Variants in MTFR1 observed in about 807,000 individuals in gnomAD.
MTFR1 encodes the protein chondrocyte protein with a poly-proline region.
A neutral mutation model predicts 38.8 loss-of-function variants in MTFR1; 28 were observed. That is an observed-to-expected ratio of 0.72 (90% CI 0.53 to 0.99). The LOEUF is 0.99. Among genes scored for constraint, MTFR1 ranks in the 50% least tolerant of loss-of-function variants. MTFR1 has a pLI of 0.00. For synonymous variants in MTFR1, 145 were observed against 137.0 expected, an observed-to-expected ratio of 1.06 and a Z score of -0.41; for missense variants, 358 against 395.5, an observed-to-expected ratio of 0.91 and a Z score of 0.81.
chr8:65,729,426 G>C (rs1208154794), intron 3 of MTFR1, among the ~76,000 whole-genome samples: 2 of 132,992 alleles, frequency 1.5e-5, no homozygotes, highest in African/African-American at 5.7e-5. Context: ...AGAAATAGCA[G>C]AAAGAAGGTA....
intron 3 of MTFR1, among the ~76,000 whole-genome samples, chr8:65,758,378 A>C (rs10216810): frequency 0.12 from 18,206 of 152,170 alleles, 1,947 homozygotes; most frequent in East Asian, 0.5. Context: ...GGTAAGGGGG[A>C]AAAAATGTTT....
intron 3 of MTFR1, among the ~76,000 whole-genome samples, chr8:65,741,647 T>C (rs886957790): frequency 2.0e-5 from 3 of 152,226 alleles, no homozygotes; most frequent in Admixed American, 2.0e-4. Context: ...ATATGCTCTA[T>C]TGGTACAAAC....
At position 65,704,850 on chromosome 8, in the gene MTFR1, T is replaced by C. The variant is rs749451702; in HGVS notation, c.438T>C (p.Ala146=). Residue 146 remains alanine (A), a synonymous_variant, in exon 5 of 8, where the codon GCT becomes GCC. Transcript: ENST00000262146. ...ANEEALQKIC[A]LENELAALRA... ...AGGAAGCACTGCAGAAGATTTGCGC[T>C]CTCGAAAATGAACTTGCTGCTCTCA... 16 of 1,613,942 alleles carry C rather than the reference T, an allele frequency of 9.9e-6. No homozygotes were observed. Among genetic ancestry groups the C allele is most frequent in the African/African-American group, 1.3e-5 (1 of 75,034 alleles).
At chr8:65,706,157 C>T (rs548742551) in intron 5 of MTFR1, among the ~76,000 whole-genome samples, 5 of 152,268 alleles carry the variant, frequency 3.3e-5, no homozygotes, top group African/African-American at 4.8e-5. Context: ...TGTGCTTATG[C>T]CTGTAACTTG....
downstream of MTFR1, among the ~76,000 whole-genome samples, chr8:65,711,619 G>C (rs1357106609): frequency 6.6e-6 from 1 of 152,122 alleles, no homozygotes; most frequent in Non-Finnish European, 1.5e-5. Context: ...GATCCTATTT[G>C]TTAGGATTCT....
intron 3 of MTFR1, among the ~76,000 whole-genome samples, chr8:65,769,247 C>CAAAAAAAAAAAAA (rs61554087): frequency 2.7e-5 from 2 of 74,462 alleles, no homozygotes; most frequent in African/African-American, 5.1e-5. Context: ...GACTCAGTCT[C>CAAAAAAAAAAAAA]AAAAAAAAAA....
upstream of MTFR1, among the ~76,000 whole-genome samples, chr8:65,644,137 T>G (rs1441741654): frequency 2.0e-5 from 3 of 152,232 alleles, no homozygotes; most frequent in African/African-American, 7.2e-5. Context: ...GACAATTATT[T>G]GAAATCCAGA....
At chr8:65,708,678 CTT>C (rs933262502) in intron 7 of MTFR1, among the ~76,000 whole-genome samples, 4 of 152,146 alleles carry the variant, frequency 2.6e-5, no homozygotes, top group African/African-American at 7.2e-5. Context: ...GGAAAGGAAA[CTT>C]TGTACTTTCT....
chr8:65,732,131 T>A (rs1329393864), intron 3 of MTFR1, among the ~76,000 whole-genome samples: 1 of 152,074 alleles, frequency 6.6e-6, no homozygotes, highest in African/African-American at 2.4e-5. Context: ...CCCAGGTAGC[T>A]GGGATTACAG....
chr8:65,767,904 G>A (rs569372365), intron 3 of MTFR1, among the ~76,000 whole-genome samples: 6 of 152,278 alleles, frequency 3.9e-5, no homozygotes, highest in South Asian at 4.1e-4. Context: ...CCTGGGAACC[G>A]CAACCTGAAG....
At chr8:65,719,137 AT>A in intron 2 of MTFR1, 1 of 622,456 alleles carries the variant, frequency 1.6e-6, no homozygotes, top group Non-Finnish European at 2.9e-6. Context: ...GGTTCAAATG[AT>A]CCAACAGAGG....
At chr8:65,716,692 T>C (rs1201291950) in intron 2 of MTFR1, among the ~76,000 whole-genome samples, 5 of 152,182 alleles carry the variant, frequency 3.3e-5, no homozygotes, top group African/African-American at 4.8e-5. Context: ...AAAATATTGA[T>C]AGTGTTTTAA....
chr8:65,696,984 CTTTTTT>C (rs572196375), intron 4 of MTFR1, among the ~76,000 whole-genome samples: 1 of 111,212 alleles, frequency 9.0e-6, no homozygotes, highest in Non-Finnish European at 1.8e-5. Flanking sequence ...TTGGGACTGG[CTTTTTT>C]TTTTTTTTTT....
intron 3 of MTFR1, among the ~76,000 whole-genome samples, chr8:65,753,953 GGTT>G (rs1451134042): frequency 6.6e-6 from 1 of 151,436 alleles, no homozygotes; most frequent in African/African-American, 2.4e-5. Flanking sequence ...GATCTCTTTT[GGTT>G]ATTATCTGCA....
intron 3 of MTFR1, chr8:65,724,845 A>G: frequency 2.5e-6 from 4 of 1,612,024 alleles, no homozygotes; most frequent in Non-Finnish European, 3.4e-6. Context: ...TGGGACCTAA[A>G]CAAAGACAGA....
the MTFR1 span, among the ~76,000 whole-genome samples, chr8:65,777,075 T>C: frequency 7.0e-6 from 1 of 143,348 alleles, no homozygotes; most frequent in Non-Finnish European, 1.5e-5. Context: ...TTTTATCAAA[T>C]GCTTTTTTTT....
chr8:65,724,397 G>C (rs1806523398), intron 3 of MTFR1: 1 of 1,286,804 alleles, frequency 7.8e-7, no homozygotes, highest in African/African-American at 1.5e-5. Flanking sequence ...ATACACACTT[G>C]ACAATAATAC....
intron 3 of MTFR1, among the ~76,000 whole-genome samples, chr8:65,764,171 G>A (rs1483697493): frequency 6.6e-6 from 1 of 152,162 alleles, no homozygotes. Flanking sequence ...GAGCATGGGT[G>A]ATAGAAAAGA....
chr8:65,672,173 C>T (rs1334531530), intron 2 of MTFR1, among the ~76,000 whole-genome samples: 1 of 152,184 alleles, frequency 6.6e-6, no homozygotes, highest in African/African-American at 2.4e-5. Context: ...TTAGCAAGAT[C>T]TATTTTTAAC....
Sources: gnomAD v4.1 joint callset for allele counts (sites outside exome capture counted in the v4.1 genomes callset) on GRCh38, gnomAD v4.1.1 for gene constraint, MANE v1.5 for transcripts, NCBI Gene and HGNC (gene_info 2026-07-23, HGNC 2026-07-21) for gene names.